Variants in ABTB3 observed in about 807,000 individuals in gnomAD.
ABTB3 encodes ankyrin repeat- and BTB/POZ domain-containing protein 3.
the ABTB3 span, among the ~76,000 whole-genome samples, chr12:107,381,250 G>A: frequency 6.6e-6 from 1 of 152,246 alleles, no homozygotes; most frequent in African/African-American, 2.4e-5. Context: ...CCAGCACCTA[G>A]AAGTGCAGGC....
chr12:107,504,854 C>T, the ABTB3 span, among the ~76,000 whole-genome samples: 1 of 152,220 alleles, frequency 6.6e-6, no homozygotes, highest in Admixed American at 6.5e-5. Flanking sequence ...TGAAGTCTCT[C>T]CATTTCTTCC....
chr12:107,338,840 G>A, the ABTB3 span, among the ~76,000 whole-genome samples: 1 of 152,164 alleles, frequency 6.6e-6, no homozygotes, highest in East Asian at 1.9e-4. Context: ...TTAAGAGACA[G>A]AGTCTCTCTC....
chr12:107,410,350 T>G, the ABTB3 span, among the ~76,000 whole-genome samples: 1 of 149,438 alleles, frequency 6.7e-6, no homozygotes. Context: ...CTGAAGTGGG[T>G]TGTGGTAGGA....
At chr12:107,653,585 G>A in the ABTB3 span, among the ~76,000 whole-genome samples, 1 of 151,860 alleles carries the variant, frequency 6.6e-6, no homozygotes, top group Non-Finnish European at 1.5e-5. Flanking sequence ...CTTGTCTTAA[G>A]ACAGCATTCA....
the ABTB3 span, among the ~76,000 whole-genome samples, chr12:107,399,499 A>C: frequency 1.3e-5 from 2 of 152,038 alleles, no homozygotes; most frequent in African/African-American, 4.8e-5. Context: ...AGGGGGACCC[A>C]AGGATGCAGA....
the ABTB3 span, among the ~76,000 whole-genome samples, chr12:107,407,262 A>C: frequency 1.3e-5 from 2 of 152,256 alleles, no homozygotes; most frequent in Non-Finnish European, 2.9e-5. Context: ...TGCTTAGCAC[A>C]CAGTGGATGC....
the ABTB3 span, chr12:107,318,675 G>A: frequency 2.2e-6 from 1 of 453,302 alleles, no homozygotes; most frequent in Non-Finnish European, 3.9e-6. Context: ...GCCCCGGCGG[G>A]AGCTTCCTTC....
the ABTB3 span, among the ~76,000 whole-genome samples, chr12:107,353,289 G>A: frequency 3.9e-5 from 6 of 152,310 alleles, no homozygotes; most frequent in African/African-American, 1.2e-4. Flanking sequence ...ATGACACCAT[G>A]TGAGCCGTCA....
chr12:107,560,601 A>G, the ABTB3 span, among the ~76,000 whole-genome samples: 1 of 152,196 alleles, frequency 6.6e-6, no homozygotes, highest in African/African-American at 2.4e-5. Flanking sequence ...CGCTTTTCAC[A>G]TCTCCAGAGA....
At chr12:107,423,172 G>A in the ABTB3 span, among the ~76,000 whole-genome samples, 2 of 152,162 alleles carry the variant, frequency 1.3e-5, no homozygotes, top group African/African-American at 2.4e-5. Flanking sequence ...CGAATACTAT[G>A]TAGGCAAAAA....
At chr12:107,502,763 A>G in the ABTB3 span, among the ~76,000 whole-genome samples, 3 of 152,120 alleles carry the variant, frequency 2.0e-5, no homozygotes, top group South Asian at 4.1e-4. Flanking sequence ...GGAAGTGTGC[A>G]CGCGAGGGAT....
the ABTB3 span, among the ~76,000 whole-genome samples, chr12:107,635,611 C>A: frequency 6.6e-6 from 1 of 152,092 alleles, no homozygotes; most frequent in Non-Finnish European, 1.5e-5. Context: ...GTTAAAGGGA[C>A]TTTCTCCCCT....
At chr12:107,637,104 G>A in the ABTB3 span, among the ~76,000 whole-genome samples, 1 of 152,146 alleles carries the variant, frequency 6.6e-6, no homozygotes, top group Non-Finnish European at 1.5e-5. Context: ...TGTTTACTGA[G>A]GGATACTCAT....
At chr12:107,333,201 C>T in the ABTB3 span, among the ~76,000 whole-genome samples, 6 of 152,272 alleles carry the variant, frequency 3.9e-5, no homozygotes, top group East Asian at 9.7e-4. Context: ...GACTCTTCCT[C>T]CTATGTTCTG....
At chr12:107,336,395 T>C in the ABTB3 span, among the ~76,000 whole-genome samples, 1 of 152,254 alleles carries the variant, frequency 6.6e-6, no homozygotes, top group South Asian at 2.1e-4. Flanking sequence ...ATCAAGGATC[T>C]GAAGACAGTC....
the ABTB3 span, among the ~76,000 whole-genome samples, chr12:107,495,023 C>T: frequency 6.6e-6 from 1 of 152,314 alleles, no homozygotes; most frequent in East Asian, 1.9e-4. Flanking sequence ...GGAGAAGTGG[C>T]TGTTGCTTCT....
chr12:107,349,029 T>G, the ABTB3 span, among the ~76,000 whole-genome samples: 1 of 152,188 alleles, frequency 6.6e-6, no homozygotes, highest in Non-Finnish European at 1.5e-5. Context: ...TCTCTGTACC[T>G]GTAAACCTGC....
the ABTB3 span, among the ~76,000 whole-genome samples, chr12:107,566,832 A>G: frequency 6.6e-6 from 1 of 152,166 alleles, no homozygotes; most frequent in Non-Finnish European, 1.5e-5. Context: ...GCAGTGACTC[A>G]CATCTGTAAT....
the ABTB3 span, among the ~76,000 whole-genome samples, chr12:107,605,007 C>G: frequency 1.5e-4 from 23 of 152,122 alleles, 1 homozygote; most frequent in Admixed American, 1.5e-3. Flanking sequence ...GTGAAATAAT[C>G]CAGGCACAGA....
Sources: allele counts gnomAD v4.1 joint callset (sites outside exome capture counted in the v4.1 genomes callset), GRCh38; gene constraint gnomAD v4.1.1; transcripts MANE v1.5; gene names NCBI Gene and HGNC (gene_info 2026-07-23, HGNC 2026-07-21).